Variants in WWOX observed in about 807,000 individuals in gnomAD.
WWOX encodes WW domain-containing oxidoreductase.
In WWOX, 69 loss-of-function variants were observed where a neutral mutation model predicts 46.2. That is an observed-to-expected ratio of 1.49 (90% CI 1.23 to 1.82). The LOEUF (loss-of-function observed/expected upper bound fraction) is 1.82. Among genes scored for constraint, WWOX ranks in the 40% most tolerant of loss-of-function variants. WWOX has a pLI of 0.00. For missense variants in WWOX, 919 were observed against 542.6 expected (o/e 1.69, Z -6.89); for synonymous variants, 359 against 202.6 (o/e 1.77, Z -6.56).
chr16:78,957,260 T>G (rs2151308054), intron 8 of WWOX, among the ~76,000 whole-genome samples: 1 of 152,332 alleles, frequency 6.6e-6, no homozygotes, highest in East Asian at 1.9e-4. Flanking sequence ...ATAATTATTT[T>G]GAGATACCGA....
chr16:78,672,446 G>C (rs547991272), intron 8 of WWOX, among the ~76,000 whole-genome samples: 1 of 152,286 alleles, frequency 6.6e-6, no homozygotes, highest in African/African-American at 2.4e-5. Flanking sequence ...TGGAATGTGG[G>C]TGTGTGCACT....
intron 8 of WWOX, among the ~76,000 whole-genome samples, chr16:78,800,321 A>C (rs1284467540): frequency 6.6e-6 from 1 of 152,114 alleles, no homozygotes; most frequent in Non-Finnish European, 1.5e-5. Context: ...GTAAATGTGT[A>C]CCGTGTGCTT....
chr16:78,927,636 T>C (rs760419949), intron 8 of WWOX, among the ~76,000 whole-genome samples: 2 of 152,156 alleles, frequency 1.3e-5, no homozygotes, highest in Non-Finnish European at 2.9e-5. Flanking sequence ...TTCCTTTAAA[T>C]CTAAATTGGA....
chr16:78,432,472 A>G lies in WWOX; in HGVS notation c.792-16A>G, dbSNP rs2083244872. On this transcript the variant is annotated splice_polypyrimidine_tract_variant and intron_variant, in intron 7 of 8. Transcript: ENST00000566780. ...TCAGAACTTGGTTGCTTCATGTCATATTTCCTATTTTTAAGATTTACAGAT... is the reference window on the plus strand; with the variant it reads ...TCAGAACTTGGTTGCTTCATGTCATGTTTCCTATTTTTAAGATTTACAGAT... The G allele has an allele frequency of 6.9e-6, 11 of 1,602,898 alleles. No individual in the cohort carries two copies. Among genetic ancestry groups the G allele is most frequent in the South Asian group, 1.1e-5 (1 of 90,812 alleles).
At chr16:78,367,820 A>C (rs1270092230) in intron 5 of WWOX, among the ~76,000 whole-genome samples, 1 of 151,586 alleles carries the variant, frequency 6.6e-6, no homozygotes, top group African/African-American at 2.4e-5. Context: ...GCAGTGGTGC[A>C]ATCTCAGCTC....
chr16:78,629,978 G>A (rs1331443168), intron 8 of WWOX, among the ~76,000 whole-genome samples: 1 of 152,064 alleles, frequency 6.6e-6, no homozygotes, highest in Non-Finnish European at 1.5e-5. Flanking sequence ...AACTGTATTT[G>A]TCCTCCCCAC....
chr16:78,906,142 A>C (rs1358741906), intron 8 of WWOX, among the ~76,000 whole-genome samples: 1 of 152,168 alleles, frequency 6.6e-6, no homozygotes, highest in Non-Finnish European at 1.5e-5. Context: ...CTGTAAACCC[A>C]AAATCCTCAG....
chr16:78,321,395 T>C (rs918140632), intron 5 of WWOX, among the ~76,000 whole-genome samples: 2 of 95,938 alleles, frequency 2.1e-5, no homozygotes, highest in Admixed American at 1.1e-4. Flanking sequence ...TATATATACG[T>C]ATATATACGT....
intron 5 of WWOX, among the ~76,000 whole-genome samples, chr16:78,307,563 AGAAG>A (rs1293610357): frequency 6.6e-6 from 1 of 152,248 alleles, no homozygotes; most frequent in African/African-American, 2.4e-5. Context: ...TGGAGGATTC[AGAAG>A]GAACCAGCTG....
intron 8 of WWOX, among the ~76,000 whole-genome samples, chr16:78,730,454 C>T (rs1464344339): frequency 1.3e-5 from 2 of 151,788 alleles, no homozygotes; most frequent in East Asian, 3.9e-4. Context: ...AGAAATACAT[C>T]TTTTGTTTGT....
chr16:78,167,744 C>T (rs79922888), intron 5 of WWOX: 2 of 152,276 alleles, frequency 1.3e-5, no homozygotes, highest in Non-Finnish European at 2.9e-5. Flanking sequence ...CATTCATACC[C>T]TGCAGAGAGG....
At chr16:78,433,673 A>G (rs1393486656) in intron 8 of WWOX, among the ~76,000 whole-genome samples, 3 of 151,848 alleles carry the variant, frequency 2.0e-5, no homozygotes, top group Non-Finnish European at 4.4e-5. Context: ...GAACTATTGC[A>G]GGCCTATTAT....
At chr16:78,448,497 C>A (rs1034933384) in intron 8 of WWOX, among the ~76,000 whole-genome samples, 3 of 152,088 alleles carry the variant, frequency 2.0e-5, no homozygotes, top group Non-Finnish European at 4.4e-5. Context: ...ACCGACAAAG[C>A]TGGTGCCCCA....
chr16:78,670,013 G>A (rs1028918456), intron 8 of WWOX, among the ~76,000 whole-genome samples: 3 of 151,998 alleles, frequency 2.0e-5, no homozygotes, highest in Non-Finnish European at 4.4e-5. Flanking sequence ...TATTTGGCTC[G>A]TTTTTCTTTT....
At chr16:78,365,022 G>T (rs970991526) in intron 5 of WWOX, among the ~76,000 whole-genome samples, 12 of 152,140 alleles carry the variant, frequency 7.9e-5, no homozygotes, top group African/African-American at 2.9e-4. Context: ...GTTGAGCTGT[G>T]GGTAATTCTT....
chr16:78,652,639 G>A (rs1011809900), intron 8 of WWOX, among the ~76,000 whole-genome samples: 1 of 152,130 alleles, frequency 6.6e-6, no homozygotes, highest in Non-Finnish European at 1.5e-5. Flanking sequence ...ACACAGCCAA[G>A]ATTCCTCGAC....
At chr16:78,609,444 T>C (rs1333078286) in intron 8 of WWOX, among the ~76,000 whole-genome samples, 1 of 151,538 alleles carries the variant, frequency 6.6e-6, no homozygotes, top group Non-Finnish European at 1.5e-5. Context: ...TCCTATTTTC[T>C]AAGTAAAAGT....
At chr16:78,799,543 C>G (rs1270207913) in intron 8 of WWOX, among the ~76,000 whole-genome samples, 1 of 152,154 alleles carries the variant, frequency 6.6e-6, no homozygotes, top group East Asian at 1.9e-4. Context: ...AAAGTCCACT[C>G]CGAATCTCTG....
At chr16:78,232,496 G>A (rs879826549) in intron 5 of WWOX, among the ~76,000 whole-genome samples, 1 of 152,186 alleles carries the variant, frequency 6.6e-6, no homozygotes, top group African/African-American at 2.4e-5. Context: ...GAGGTTTGCA[G>A]AGGTAAATCT....
Sources: allele counts gnomAD v4.1 joint callset (sites outside exome capture counted in the v4.1 genomes callset), GRCh38; gene constraint gnomAD v4.1.1; transcripts MANE v1.5; gene names NCBI Gene and HGNC (gene_info 2026-07-23, HGNC 2026-07-21).